The following TRPM1 variants were observed in gnomAD, a reference collection of about 807,000 sequenced individuals.
The protein encoded by TRPM1 is transient receptor potential cation channel subfamily M member 1, also known as TRPM1-203 APA Isoform, Intron 10.
A neutral mutation model predicts 149.4 loss-of-function variants in TRPM1; 113 were observed. That is an observed-to-expected ratio of 0.76 (90% CI 0.65 to 0.88). The LOEUF (loss-of-function observed/expected upper bound fraction) is 0.88. TRPM1 is among the 40% of genes least tolerant of loss of function. The pLI is 0.00. For synonymous variants in TRPM1, 741 were observed against 759.5 expected (o/e 0.98, Z 0.40); for missense variants, 1,976 against 2,038.7 (o/e 0.97, Z 0.59).
chr15:31,062,395 G>C (rs2034257023), intron 9 of TRPM1, among the ~76,000 whole-genome samples, 184 bp downstream of exon 9: 1 of 152,188 alleles, frequency 6.6e-6, no homozygotes, highest in Non-Finnish European at 1.5e-5. Flanking sequence ...GCCCTCCCCT[G>C]TGTGGGCTCG....
intron 1 of TRPM1, among the ~76,000 whole-genome samples, chr15:31,139,579 A>G (rs1236785729): frequency 6.6e-6 from 1 of 152,248 alleles, no homozygotes. Flanking sequence ...ATATTTTATC[A>G]GAAAAAAGAA....
rs1164095601 is a variant in TRPM1, at chr15:31,042,132, C to G, written c.1906G>C (p.Glu636Gln). ...AVSRFQYPFH[E>Q]LMVWAVLMKR... The stretch of plus-strand genomic sequence containing the variant: ...ATCAGCACTGCCCACACCATCAGCT[C>G]GTGGAAGGGATACTGGAACCGACTC... The change falls in exon 17 of 28, where the codon GAG (glutamate) becomes CAG (glutamine). Residue 636 changes from glutamate to glutamine, a missense_variant. Around this residue, in one of 3 missense-constraint regions of TRPM1, gnomAD observed 1,332 missense variants for 1,347.1 expected, o/e 0.99. Transcript: ENST00000256552. 6.2e-7 allele frequency: 1 copy of G among 1,614,188 alleles called. No homozygotes were observed. The highest frequency in any genetic ancestry group is 2.2e-5 in the East Asian group (1 of 44,888).
chr15:31,053,373 C>T (rs546981889), intron 11 of TRPM1, among the ~76,000 whole-genome samples: 1 of 152,130 alleles, frequency 6.6e-6, no homozygotes, highest in East Asian at 1.9e-4. Flanking sequence ...ACCTCAGCCT[C>T]CTCAGTAGCT....
In TRPM1 at chr15:31,062,561, T is replaced by C. The variant is rs371216813; in HGVS notation, c.1089+18A>G. On this transcript the variant is annotated intron_variant, in intron 9 of 27. Coordinates refer to ENST00000256552, the MANE Select transcript of TRPM1 (RefSeq NM_001252024.2). Reference sequence around the variant, plus strand: ...TCTCTCCACAGAGCTTGTTTGGAAATAAATTCAAGACACTTACGAGTTCTT... The same window carrying C: ...TCTCTCCACAGAGCTTGTTTGGAAACAAATTCAAGACACTTACGAGTTCTT... The C allele has an allele frequency of 2.5e-4, 408 of 1,613,762 alleles. No individual in the cohort carries two copies. The highest frequency in any genetic ancestry group is 3.4e-4 in the Non-Finnish European group (400 of 1,179,982).
chr15:31,005,945 G>C (rs1164882864), intron 27 of TRPM1, among the ~76,000 whole-genome samples: 1 of 152,114 alleles, frequency 6.6e-6, no homozygotes, highest in Non-Finnish European at 1.5e-5. Context: ...ACATTGAATG[G>C]CATAAAAACA....
intron 1 of TRPM1, among the ~76,000 whole-genome samples, chr15:31,141,761 A>T (rs535161063): frequency 2.0e-5 from 3 of 152,354 alleles, no homozygotes; most frequent in African/African-American, 7.2e-5. Flanking sequence ...TGGAAGTAAA[A>T]TCTTATGAAA....
intron 1 of TRPM1, among the ~76,000 whole-genome samples, chr15:31,090,508 G>A (rs1306303071): frequency 6.6e-6 from 1 of 152,018 alleles, no homozygotes; most frequent in Non-Finnish European, 1.5e-5. Flanking sequence ...GTGGTGGTGG[G>A]CACCTGTAAT....
At chr15:31,037,230 G>C (rs974792349) in intron 20 of TRPM1, among the ~76,000 whole-genome samples, 1 of 152,230 alleles carries the variant, frequency 6.6e-6, no homozygotes, top group Non-Finnish European at 1.5e-5. Flanking sequence ...CCAGCCAAGC[G>C]GGTCAGTTTG....
In TRPM1 at chr15:31,118,117, C is replaced by G. The variant is rs2035826199; in HGVS notation, c.55-41133G>C. ...CTCTACTAAAAATACAAAAAATTAG[C>G]TAGGTGTGGTGCATGCCTGTAATCT... On this transcript the variant is annotated intron_variant, in intron 1 of 26. Coordinates refer to the TRPM1 transcript ENST00000542188. Among the ~76,000 whole-genome samples the G allele has an allele frequency of 2.6e-5, 4 of 152,046 alleles. No individual in the cohort carries two copies. The South Asian group carries it at 8.3e-4, about 32-fold the overall frequency.
intron 27 of TRPM1, 80 bp downstream of exon 27, chr15:31,026,059 T>C: frequency 1.3e-6 from 2 of 1,585,698 alleles, no homozygotes; most frequent in South Asian, 1.1e-5. Flanking sequence ...TTAAATGAAC[T>C]CTGGCATCCC....
intron 1 of TRPM1, among the ~76,000 whole-genome samples, chr15:31,095,385 T>G (rs1353311768): frequency 6.6e-6 from 1 of 152,196 alleles, no homozygotes; most frequent in Non-Finnish European, 1.5e-5. Flanking sequence ...TTCATCTCAA[T>G]AAATTATTTA....
At position 31,026,990 on chromosome 15, in the gene TRPM1, T is replaced by C. The variant is rs1168107448; in HGVS notation, c.3421A>G (p.Ile1141Val). The C allele has an allele frequency of 4.3e-6, 7 of 1,614,170 alleles. No individual in the cohort carries two copies. The highest frequency in any genetic ancestry group is 1.3e-5 in the African/African-American group (1 of 75,032). The change falls in exon 26 of 28, where the codon ATC becomes GTC. Residue 1141 changes from isoleucine to valine, a missense_variant. Coordinates refer to ENST00000256552, the MANE Select transcript of TRPM1 (RefSeq NM_001252024.2). ...CGGCCGCTGAGACGCATAATGATGA[T>C]GTAGATGTGGCTTAAAATGATCATC... ...PPMIILSHIYIIIMRLSGRCR... is the reference protein window; with the variant it reads ...PPMIILSHIYVIIMRLSGRCR...
chr15:31,031,728 T>A (rs1381672048), intron 22 of TRPM1, among the ~76,000 whole-genome samples: 3 of 152,172 alleles, frequency 2.0e-5, no homozygotes, highest in African/African-American at 7.2e-5. Flanking sequence ...AAAGAGTCCT[T>A]CCTAAATGTA....
rs2033561603 is a variant in TRPM1, at chr15:31,040,130, G to T, written c.2304C>A (p.Asn768Lys). ...MWMGRLRMRK[N>K]PGLKVIMGIL... ...ACGTTGCACGCACCTTCAGGCCGGG[G>T]TTCTTCCGCATCCGCAGTCTTCCCA... Residue 768 changes from asparagine (N) to lysine (K), a missense_variant, in exon 18 of 28, where the codon AAC becomes AAA. Asn to Lys is a moderately conservative substitution (Grantham distance 94). Coordinates refer to ENST00000256552, the MANE Select transcript of TRPM1 (RefSeq NM_001252024.2). The surrounding 1 kb of genome is among the most constrained non-coding windows in gnomAD (Gnocchi z 4.2). 1 of 1,614,082 alleles carries T rather than the reference G, an allele frequency of 6.2e-7. No homozygotes were observed. Among genetic ancestry groups the T allele is most frequent in the African/African-American group, 1.3e-5 (1 of 74,936 alleles).
chr15:31,077,336 AG>A (rs1393549224), intron 2 of TRPM1, among the ~76,000 whole-genome samples: 1 of 152,194 alleles, frequency 6.6e-6, no homozygotes, highest in African/African-American at 2.4e-5. Context: ...GGTGTGGCTC[AG>A]GGAGGCCACC....
At chr15:31,061,574 G>T in intron 9 of TRPM1, 60 bp from the exon 10 acceptor site, 3 of 1,461,266 alleles carry the variant, frequency 2.1e-6, no homozygotes, top group Non-Finnish European at 2.9e-6. Flanking sequence ...GATATGGGGT[G>T]TTGTTACAAA....
chr15:31,146,197 TC>T (rs1273781256), intron 1 of TRPM1, among the ~76,000 whole-genome samples: 9 of 152,174 alleles, frequency 5.9e-5, no homozygotes, highest in African/African-American at 2.2e-4. Flanking sequence ...TGTCAAATGA[TC>T]CCTTTTCAGC....
intron 1 of TRPM1, among the ~76,000 whole-genome samples, chr15:31,128,954 G>A (rs2035985032): frequency 6.6e-6 from 1 of 152,224 alleles, no homozygotes; most frequent in African/African-American, 2.4e-5. Context: ...CACTGCACTG[G>A]TTGAGAGTGC....
At chr15:31,084,638 G>A (rs962332797) in intron 1 of TRPM1, among the ~76,000 whole-genome samples, 25 of 150,930 alleles carry the variant, frequency 1.7e-4, no homozygotes, top group African/African-American at 5.6e-4. Flanking sequence ...AGTGCTATCA[G>A]TAAGACATTT....
Sources: gnomAD v4.1 joint callset for allele counts (sites outside exome capture counted in the v4.1 genomes callset) on GRCh38, gnomAD v4.1.1 for gene constraint, gnomAD v4.1.1 regional missense constraint, Gnocchi (gnomAD v3.1) non-coding constraint, MANE v1.5 for transcripts, NCBI Gene and HGNC (gene_info 2026-07-23, HGNC 2026-07-21) for gene names.